CHD1: variants seen among roughly 807,000 people sequenced by gnomAD.
CHD1 encodes the protein chromodomain helicase DNA binding protein 1.
In CHD1, 36 loss-of-function variants were observed where a neutral mutation model predicts 224.2. The ratio of observed to expected loss-of-function variants is 0.16; its 90% CI spans 0.12 to 0.21. CHD1 has a LOEUF of 0.21. Among genes scored for constraint, CHD1 ranks in the 10% least tolerant of loss-of-function variants. The pLI is 1.00. For synonymous variants in CHD1, 668 were observed against 658.3 expected, an observed-to-expected ratio of 1.01 and a Z score of -0.23; for missense variants, 1,378 against 1,994.8, an observed-to-expected ratio of 0.69 and a Z score of 5.89.
intron 2 of CHD1, among the ~76,000 whole-genome samples, chr5:98,915,983 A>G (rs1427510202): frequency 6.6e-6 from 1 of 152,200 alleles, no homozygotes; most frequent in Non-Finnish European, 1.5e-5. Flanking sequence ...ACCTGAGGTC[A>G]GGAGTTCAAG....
chr5:98,921,684 A>G (rs1753104462), intron 2 of CHD1, among the ~76,000 whole-genome samples: 1 of 152,234 alleles, frequency 6.6e-6, no homozygotes, highest in Non-Finnish European at 1.5e-5. Flanking sequence ...TCAAGATCTT[A>G]AACAAGCAGC....
Position 98,896,775 on chromosome 5 carries a change from T to C in CHD1, c.1494-333A>G, listed in dbSNP as rs559314239. 3.2e-4 allele frequency among the ~76,000 whole-genome samples: 36 copies of C among 112,388 alleles called. No individual in the cohort carries two copies. The East Asian group carries it at 8.3e-3, about 26-fold the overall frequency. The allele number at this position is 112,388 out of a possible 152,430, so 73.7% of individuals were successfully genotyped here. ...ATATATTAAATAAGTAAAAAGTATA[T>C]AGGAAGAACACAGATTAAAAAAAAA... On this transcript the variant is annotated intron_variant, in intron 11 of 35. Transcript: ENST00000614616.
In CHD1 at chr5:98,872,195, A is replaced by G. The variant is rs1749400161; in HGVS notation, c.3717T>C (p.Thr1239=). 9 of 1,604,286 alleles carry G rather than the reference A, an allele frequency of 5.6e-6. No homozygotes were observed. The highest frequency in any genetic ancestry group is 7.6e-6 in the Non-Finnish European group (9 of 1,177,306). The change falls in exon 28 of 36, where the codon ACT becomes ACC. Residue 1239 remains threonine (T), a synonymous_variant. Transcript: ENST00000614616. The stretch of plus-strand genomic sequence containing the variant: ...GAGCTGCCTTTGTGTGGCATGGGAT[A>G]GTATACCTGGCATCAAAGTTAATAA... ...PSDPEERKQY[T]IPCHTKAAHF...
In CHD1 at chr5:98,879,744, A is replaced by G; in HGVS notation, c.3061-16T>C. The G allele has an allele frequency of 6.5e-7, 1 of 1,544,464 alleles. No homozygotes were observed. The highest frequency in any genetic ancestry group is 8.7e-7 in the Non-Finnish European group (1 of 1,143,916). ...AGTTGGCAACCTGATAAATTTCAGA[A>G]TTTTAAGAGTAACTGTTACAGAAAA... On this transcript the variant is annotated splice_polypyrimidine_tract_variant and intron_variant, in intron 22 of 35. Transcript: ENST00000614616.
chr5:98,925,100 C>T (rs922007376), intron 2 of CHD1, among the ~76,000 whole-genome samples: 1 of 151,902 alleles, frequency 6.6e-6, no homozygotes, highest in Non-Finnish European at 1.5e-5. Context: ...GTTTCTTGTC[C>T]ACCCCCATGT....
Position 98,881,252 on chromosome 5 carries a change from CTTTTTTTTTTT to C in CHD1, c.2964+16_2964+26del. Reference sequence around the variant, plus strand: ...ATATGACACATATTCTGAGGCAGGCCTTTTTTTTTTTTTTTTTTTTTTTTACCTGGGGCTCT... The same window carrying C: ...ATATGACACATATTCTGAGGCAGGCCTTTTTTTTTTTTTACCTGGGGCTCT... On this transcript the variant is annotated intron_variant, in intron 21 of 35. Coordinates refer to ENST00000614616, the MANE Select transcript of CHD1 (RefSeq NM_001270.4). 15 of 674,840 alleles carry C rather than the reference CTTTTTTTTTTT, an allele frequency of 2.2e-5. No individual in the cohort carries two copies. The highest frequency in any genetic ancestry group is 1.1e-4 in the South Asian group (5 of 44,816). The allele number at this position is 674,840 out of a possible 1,614,324, so 41.8% of individuals were successfully genotyped here.
chr5:98,863,658 A>G (rs759848686), intron 31 of CHD1, 72 bp from the exon 32 acceptor site: 11 of 982,238 alleles, frequency 1.1e-5, no homozygotes, highest in African/African-American at 1.7e-5. Flanking sequence ...TACCTCCTTC[A>G]ATGATATTTA....
chr5:98,878,010 A>G (rs1749890745), intron 23 of CHD1, among the ~76,000 whole-genome samples: 1 of 152,240 alleles, frequency 6.6e-6, no homozygotes. Context: ...GAGGACTTGA[A>G]CAGTGGCTCA....
At chr5:98,868,872 T>C (rs1197191625) in intron 30 of CHD1, 4 of 484,976 alleles carry the variant, frequency 8.2e-6, no homozygotes, top group Non-Finnish European at 1.2e-5. Flanking sequence ...AGACCTACTA[T>C]TCTCCTCTAC....
At chr5:98,911,146 A>AAATATATATATATAT (rs1491111295) in intron 2 of CHD1, among the ~76,000 whole-genome samples, 10 of 39,128 alleles carry the variant, frequency 2.6e-4, no homozygotes, top group African/African-American at 8.4e-4. Context: ...AAAAAAAAAA[A>AAATATATATATATAT]ATATATATAT....
Position 98,868,480 on chromosome 5 carries a change from A to C in CHD1, c.4248+15T>G. 6.3e-7 allele frequency: 1 copy of C among 1,589,568 alleles called. No individual in the cohort carries two copies. The highest frequency in any genetic ancestry group is 1.2e-5 in the South Asian group (1 of 84,620). On this transcript the variant is annotated intron_variant, in intron 31 of 35. Transcript: ENST00000614616. ...TTATGAGTTAATACTAATAATCAGA[A>C]AGTCTAAGGCTTACAATGCTGAATG...
chr5:98,910,580 G>A (rs1231659115), intron 2 of CHD1, among the ~76,000 whole-genome samples: 1 of 151,984 alleles, frequency 6.6e-6, no homozygotes, highest in Admixed American at 6.6e-5. Context: ...TCTACACTAT[G>A]TCCTCTCTTC....
chr5:98,923,366 AAGATG>A (rs1753230981), intron 2 of CHD1, among the ~76,000 whole-genome samples: 2 of 152,184 alleles, frequency 1.3e-5, no homozygotes, highest in Admixed American at 6.5e-5. Flanking sequence ...GCAATTATTT[AAGATG>A]AGTATGCATT....
intron 30 of CHD1, chr5:98,869,232 CTGTTT>C (rs1302668939): frequency 5.1e-6 from 5 of 984,478 alleles, no homozygotes; most frequent in Non-Finnish European, 4.8e-6. Flanking sequence ...CTGTCTCTTT[CTGTTT>C]TAATTTTTTT....
rs1407911904 is a variant in CHD1 at position 98,928,603 on chromosome 5, G to C, written c.-213C>G. 6.6e-6 allele frequency: 1 copy of C among 152,152 alleles called. No individual in the cohort carries two copies. Among genetic ancestry groups the C allele is most frequent in the Non-Finnish European group, 1.5e-5 (1 of 68,014 alleles). 9.4% of individuals were successfully genotyped at this position (152,152 alleles called of 1,614,324 possible). ...ACGGCCTCCCCCGCGCCCAGGCCCG[G>C]GATCTCCGCCGCCCAGTCCTAGGGC... On this transcript the variant is annotated 5_prime_UTR_variant, in exon 1 of 36. Coordinates refer to ENST00000614616, the MANE Select transcript of CHD1 (RefSeq NM_001270.4).
intron 2 of CHD1, among the ~76,000 whole-genome samples, chr5:98,924,682 T>C (rs1341054732): frequency 6.6e-6 from 1 of 152,134 alleles, no homozygotes; most frequent in Non-Finnish European, 1.5e-5. Flanking sequence ...GGTCAGAAAA[T>C]TCCAAGTGTC....
intron 32 of CHD1, 183 bp from the exon 33 acceptor site, chr5:98,860,251 C>T: frequency 1.7e-6 from 1 of 575,490 alleles, no homozygotes. Context: ...GACTAAGACT[C>T]CAGTGAAACT....
intron 26 of CHD1, among the ~76,000 whole-genome samples, chr5:98,873,113 C>T (rs934018248): frequency 6.6e-6 from 1 of 152,092 alleles, no homozygotes; most frequent in Non-Finnish European, 1.5e-5. Context: ...CAGGTGTGAG[C>T]CACTATGCCT....
intron 31 of CHD1, among the ~76,000 whole-genome samples, chr5:98,868,013 TTGATCTCAAACTCCTAACCTCAGG>T (rs997688999): frequency 5.3e-5 from 8 of 151,646 alleles, no homozygotes; most frequent in African/African-American, 1.9e-4. Flanking sequence ...GTTGGCCAGG[TTGATCTCAAACTCCTAACCTCAGG>T]TGATCCACTG....
Sources: allele counts gnomAD v4.1 joint callset (sites outside exome capture counted in the v4.1 genomes callset), GRCh38; gene constraint gnomAD v4.1.1; transcripts MANE v1.5; gene names NCBI Gene and HGNC (gene_info 2026-07-23, HGNC 2026-07-21).